UBE2D2: variants seen among roughly 807,000 people sequenced by gnomAD.
UBE2D2 encodes ubiquitin-conjugating enzyme E2 D2.
Under a neutral mutation model 24.2 loss-of-function variants are expected in UBE2D2, and 2 were observed. The observed-to-expected ratio is 0.08, with a 90% CI of 0.03 to 0.26. UBE2D2 has a LOEUF of 0.26. Ranked by LOEUF, UBE2D2 falls within the 10% of genes least tolerant of loss-of-function variation. The probability of loss-of-function intolerance (pLI) is 1.00; values close to 1 mark genes in which losing one functional copy is unlikely to be tolerated. For missense variants in UBE2D2, 44 were observed against 177.6 expected, an observed-to-expected ratio of 0.25 and a Z score of 4.28; for synonymous variants, 58 against 56.5, an observed-to-expected ratio of 1.03 and a Z score of -0.12.
At chr5:139,621,739 C>T (rs1309817693) in intron 5 of UBE2D2, among the ~76,000 whole-genome samples, 1 of 152,146 alleles carries the variant, frequency 6.6e-6, no homozygotes, top group African/African-American at 2.4e-5. Context: ...CCTCCCACCT[C>T]AGCCTCCTGA....
intron 1 of UBE2D2, among the ~76,000 whole-genome samples, chr5:139,531,076 AG>A (rs368566486): frequency 6.6e-6 from 1 of 152,184 alleles, no homozygotes. Flanking sequence ...AGAGTCTCAA[AG>A]GGGGGGAAAT....
At chr5:139,559,381 G>A (rs1247941477), upstream of UBE2D2, among the ~76,000 whole-genome samples, 1 of 151,154 alleles carries the variant, frequency 6.6e-6, no homozygotes, top group Admixed American at 6.6e-5. Flanking sequence ...AGCCGAGATA[G>A]CGTCACCGCA....
chr5:139,575,138 C>G (rs1206388701), intron 1 of UBE2D2, among the ~76,000 whole-genome samples: 4 of 152,188 alleles, frequency 2.6e-5, no homozygotes, highest in Non-Finnish European at 5.9e-5. Context: ...CCCTCCCGTA[C>G]TTGCTCTGCT....
intron 1 of UBE2D2, among the ~76,000 whole-genome samples, chr5:139,591,502 T>A (rs1472616934): frequency 1.3e-5 from 2 of 152,168 alleles, no homozygotes; most frequent in Non-Finnish European, 2.9e-5. Flanking sequence ...AAGCTTACCA[T>A]GTCTGCTTAT....
chr5:139,617,725 C>T (rs1754445213), intron 5 of UBE2D2, among the ~76,000 whole-genome samples: 1 of 152,048 alleles, frequency 6.6e-6, no homozygotes, highest in Admixed American at 6.6e-5. Context: ...TCAGATCCAC[C>T]TCTTATTAAA....
At chr5:139,540,407 G>T (rs1039374117) in intron 1 of UBE2D2, among the ~76,000 whole-genome samples, 1 of 151,734 alleles carries the variant, frequency 6.6e-6, no homozygotes, top group African/African-American at 2.4e-5. Context: ...TTAGCTGGGT[G>T]TTGTGGCGGG....
chr5:139,543,184 C>T (rs112269266), intron 1 of UBE2D2, among the ~76,000 whole-genome samples: 9,258 of 152,170 alleles, frequency 0.061, 401 homozygotes, highest in Non-Finnish European at 0.087. Flanking sequence ...CGTGAGCCAC[C>T]GTGCCTGGCA....
intron 1 of UBE2D2, among the ~76,000 whole-genome samples, chr5:139,533,121 AAT>A (rs1347167742): frequency 6.6e-6 from 1 of 151,750 alleles, no homozygotes; most frequent in Non-Finnish European, 1.5e-5. Context: ...AAAAAAAAAA[AAT>A]ATATGGACCT....
intron 1 of UBE2D2, among the ~76,000 whole-genome samples, chr5:139,532,048 A>G (rs1752604104): frequency 1.3e-5 from 2 of 151,922 alleles, no homozygotes; most frequent in South Asian, 4.2e-4. Flanking sequence ...GGGTGTGAGG[A>G]AACACTGTTG....
At chr5:139,574,006 C>T (rs1753410277) in intron 1 of UBE2D2, among the ~76,000 whole-genome samples, 1 of 151,306 alleles carries the variant, frequency 6.6e-6, no homozygotes, top group African/African-American at 2.4e-5. Flanking sequence ...AAATGTCTCT[C>T]TCCTAGATAT....
intron 1 of UBE2D2, among the ~76,000 whole-genome samples, chr5:139,572,827 T>A (rs1753382244): frequency 1.3e-5 from 2 of 151,714 alleles, no homozygotes. Context: ...ATTTTTGTAT[T>A]TTTAGCAGGT....
intron 1 of UBE2D2, among the ~76,000 whole-genome samples, chr5:139,592,761 C>T (rs1254831001): frequency 1.3e-5 from 2 of 150,972 alleles, no homozygotes; most frequent in Non-Finnish European, 3.0e-5. Context: ...TGCCACGATG[C>T]CCGGCTAATT....
At chr5:139,624,424 A>T (rs772939246) in intron 6 of UBE2D2, among the ~76,000 whole-genome samples, 7 of 152,190 alleles carry the variant, frequency 4.6e-5, no homozygotes, top group Non-Finnish European at 7.3e-5. Flanking sequence ...CACCATGCCC[A>T]GCACTAATAA....
chr5:139,621,569 T>G (rs948399345), intron 5 of UBE2D2, among the ~76,000 whole-genome samples: 1 of 152,198 alleles, frequency 6.6e-6, no homozygotes, highest in African/African-American at 2.4e-5. Context: ...AAACAGTGAT[T>G]GTTGGATTTT....
chr5:139,560,560 G>C (rs1316624340), upstream of UBE2D2, among the ~76,000 whole-genome samples: 2 of 152,140 alleles, frequency 1.3e-5, no homozygotes, highest in African/African-American at 2.4e-5. Flanking sequence ...TCGAACTCTT[G>C]ACCTCAGGTG....
intron 2 of UBE2D2, among the ~76,000 whole-genome samples, chr5:139,600,991 C>T (rs557992967): frequency 3.3e-5 from 5 of 152,208 alleles, no homozygotes; most frequent in East Asian, 3.9e-4. Flanking sequence ...TTAGTAGATT[C>T]GTGGTTTCGC....
At chr5:139,624,436 ATC>A in intron 6 of UBE2D2, among the ~76,000 whole-genome samples, 1 of 152,246 alleles carries the variant, frequency 6.6e-6, no homozygotes, top group East Asian at 1.9e-4. Flanking sequence ...CACTAATAAC[ATC>A]TGTTTTATGT....
rs1451258421 is a variant in UBE2D2, at chr5:139,561,595, G to A, written c.-197G>A. 6.8e-6 allele frequency: 3 copies of A among 439,618 alleles called. No homozygotes were observed. Among genetic ancestry groups the A allele is most frequent in the Non-Finnish European group, 1.2e-5 (3 of 250,906 alleles). 27.2% of individuals were successfully genotyped at this position (439,618 alleles called of 1,614,324 possible). A position where few individuals can be genotyped will look rare whatever the true frequency, so the allele number is the denominator to read the frequency against. On this transcript the variant is annotated 5_prime_UTR_variant, in exon 1 of 7. An upstream start codon of the reference 5' UTR is lost. Coordinates refer to ENST00000398733, the MANE Select transcript of UBE2D2 (RefSeq NM_003339.3). ...AATAAAGGGGCCGCCGCCGGGTGAT[G>A]CGGTGACCGCTGCGGCAGGCCCAGG... is the stretch of plus-strand genomic sequence containing the variant.
intron 1 of UBE2D2, among the ~76,000 whole-genome samples, chr5:139,536,783 C>T (rs1439876979): frequency 6.6e-6 from 1 of 152,174 alleles, no homozygotes; most frequent in Non-Finnish European, 1.5e-5. Context: ...AGCCACCGCA[C>T]CCGGCCCACT....
Sources: gnomAD v4.1 joint callset for allele counts (sites outside exome capture counted in the v4.1 genomes callset) on GRCh38, gnomAD v4.1.1 for gene constraint, MANE v1.5 for transcripts, NCBI Gene and HGNC (gene_info 2026-07-23, HGNC 2026-07-21) for gene names.